UGT1A10: variants seen among roughly 807,000 people sequenced by gnomAD.
UGT1A10 encodes the protein UDP-glucuronosyltransferase 1A10.
UGT1A10 carries 49 observed loss-of-function variants against 45.8 expected under a neutral mutation model. The ratio of observed to expected loss-of-function variants is 1.07; its 90% CI spans 0.85 to 1.36. The LOEUF is 1.36. UGT1A10 is among the 40% of genes most tolerant of loss of function. The pLI, the probability that UGT1A10 is intolerant of heterozygous loss-of-function variation, is 0.00. For synonymous variants in UGT1A10, 284 were observed against 249.7 expected, an observed-to-expected ratio of 1.14 and a Z score of -1.29; for missense variants, 745 against 668.6, an observed-to-expected ratio of 1.11 and a Z score of -1.26.
intron 1 of UGT1A10, chr2:233,692,324 C>T (rs2125551324): frequency 6.5e-6 from 1 of 153,470 alleles, no homozygotes; most frequent in South Asian, 2.0e-4. Flanking sequence ...TAAACCAAAC[C>T]TAGTAAATAA....
At chr2:233,728,395 C>A (rs989594953) in intron 1 of UGT1A10, among the ~76,000 whole-genome samples, 4 of 152,120 alleles carry the variant, frequency 2.6e-5, no homozygotes, top group Non-Finnish European at 4.4e-5. Context: ...GTTGTCTTGC[C>A]CATGTGTGCT....
chr2:233,765,829 A>G (rs1183192876), intron 1 of UGT1A10, among the ~76,000 whole-genome samples: 1 of 152,104 alleles, frequency 6.6e-6, no homozygotes, highest in East Asian at 1.9e-4. Flanking sequence ...TGAAACAGGA[A>G]AACTTTCCTT....
In UGT1A10 at chr2:233,746,430, T is replaced by C. The variant is rs141272199; in HGVS notation, c.856-20604T>C. On this transcript the variant is annotated intron_variant, in intron 1 of 4. Transcript: ENST00000344644. ...TCCAATGGTGACCTATTAACTTATG[T>C]CTTCAGCTTAAAAAGAAAGTACCTT... Among the ~76,000 whole-genome samples, 254 of 151,800 alleles carry C rather than the reference T, an allele frequency of 1.7e-3. 1 individual carries two copies. The highest frequency in any genetic ancestry group is 3.4e-3 in the Middle Eastern group (1 of 292).
rs781679584 is a variant in UGT1A10 at position 233,729,361 on chromosome 2, A to T, written c.856-37673A>T. ...AGAAGAGAACTTTTTCACCCTGACA[A>T]CCTATGCCATTTCGTGGACCCAGGA... On this transcript the variant is annotated intron_variant, in intron 1 of 4. Transcript: ENST00000344644. 4 of 1,613,978 alleles carry T rather than the reference A, an allele frequency of 2.5e-6. No individual in the cohort carries two copies. The Admixed American group carries it at 5.0e-5, about 20-fold the overall frequency.
intron 1 of UGT1A10, among the ~76,000 whole-genome samples, chr2:233,715,664 C>T (rs547065992): frequency 3.3e-5 from 5 of 152,030 alleles, no homozygotes; most frequent in African/African-American, 4.8e-5. Context: ...CCCAGCTACT[C>T]GGGAGGCTGA....
Position 233,648,741 on chromosome 2 carries a change from G to A in UGT1A10, c.855+11364G>A, listed in dbSNP as rs142796488. ...GGCCTCCCAAAGTGCTGGAATTACA[G>A]GGGTGAGCCACCACACCCAGCCTGG... On this transcript the variant is annotated intron_variant, in intron 1 of 4. Coordinates refer to ENST00000344644, the MANE Select transcript of UGT1A10 (RefSeq NM_019075.4). 1,007 of 561,922 alleles carry A rather than the reference G, an allele frequency of 1.8e-3. 7 individuals are homozygous for A. The highest frequency in any genetic ancestry group is 0.017 in the African/African-American group (870 of 52,052). The allele number at this position is 561,922 out of a possible 1,614,324, so 34.8% of individuals were successfully genotyped here.
chr2:233,664,906 A>G (rs1447320252), intron 1 of UGT1A10, among the ~76,000 whole-genome samples: 1 of 152,206 alleles, frequency 6.6e-6, no homozygotes, highest in African/African-American at 2.4e-5. Context: ...CAAATTTTAT[A>G]ATTGTAGATC....
chr2:233,729,846 G>T, intron 1 of UGT1A10: 1 of 1,613,888 alleles, frequency 6.2e-7, no homozygotes, highest in Admixed American at 1.7e-5. Context: ...AGCTTTTTCA[G>T]AGAGAGGTGT....
rs186476397 is a variant in UGT1A10, at chr2:233,730,211, C to T, written c.856-36823C>T. Among the ~76,000 whole-genome samples the T allele has an allele frequency of 1.1e-3, 161 of 152,112 alleles. 1 individual carries two copies. The highest frequency in any genetic ancestry group is 3.7e-3 in the African/African-American group (152 of 41,476). On this transcript the variant is annotated intron_variant, in intron 1 of 4. Coordinates refer to ENST00000344644, the MANE Select transcript of UGT1A10 (RefSeq NM_019075.4). ...CACTGAGAGGAAGAGGAAGTAGACA[C>T]GAATGTTTGTAAAAGGATGGACAAG...
intron 4 of UGT1A10, 143 bp downstream of exon 4, chr2:233,768,582 CTTTTTTTTTTTT>C (rs139595073): frequency 1.3e-5 from 13 of 1,033,070 alleles, no homozygotes; most frequent in Admixed American, 4.7e-5. Context: ...TTTATTTCTT[CTTTTTTTTTTTT>C]TTTTTTTTTT....
intron 1 of UGT1A10, among the ~76,000 whole-genome samples, chr2:233,749,110 T>C (rs1417029157): frequency 1.3e-5 from 2 of 151,818 alleles, no homozygotes; most frequent in African/African-American, 4.9e-5. Flanking sequence ...AATTCAGCCT[T>C]TTTATGTCAT....
Position 233,772,243 on chromosome 2 carries a change from A to G in UGT1A10, c.1296-19A>G, listed in dbSNP as rs763747891. The stretch of plus-strand genomic sequence containing the variant: ...TACCACAGGTGTTCCAGGCATAACG[A>G]AACTGTCTTTGTGTTTAGTTACAAG... On this transcript the variant is annotated intron_variant, in intron 4 of 4. Coordinates refer to ENST00000344644, the MANE Select transcript of UGT1A10 (RefSeq NM_019075.4). 2 of 1,614,184 alleles carry G rather than the reference A, an allele frequency of 1.2e-6. No homozygotes were observed. The highest frequency in any genetic ancestry group is 1.7e-6 in the Non-Finnish European group (2 of 1,180,028).
At chr2:233,672,789 G>A (rs2074242199) in intron 1 of UGT1A10, 2 of 1,612,514 alleles carry the variant, frequency 1.2e-6, no homozygotes, top group Non-Finnish European at 1.7e-6. Context: ...CGTTGCCTAT[G>A]GTAAGTTATC....
intron 1 of UGT1A10, chr2:233,753,711 A>G (rs577048191): frequency 6.6e-6 from 1 of 152,346 alleles, no homozygotes; most frequent in East Asian, 1.9e-4. Context: ...GGCTTTCATC[A>G]ACCTAATTTG....
At chr2:233,729,345 C>A (rs200579886) in intron 1 of UGT1A10, 337 of 1,614,208 alleles carry the variant, frequency 2.1e-4, no homozygotes, top group Admixed American at 3.5e-4. Flanking sequence ...AAGAAGAGAA[C>A]TTTTTCACCC....
intron 1 of UGT1A10, chr2:233,713,367 A>G (rs764672319): frequency 5.0e-6 from 8 of 1,614,076 alleles, no homozygotes; most frequent in Middle Eastern, 3.3e-4. Context: ...GATCATACAT[A>G]GGTCTTGTGT....
intron 1 of UGT1A10, among the ~76,000 whole-genome samples, chr2:233,723,536 T>TTC (rs1553611580): frequency 8.2e-6 from 1 of 121,444 alleles, no homozygotes; most frequent in Non-Finnish European, 1.6e-5. Context: ...TTTTTTTTTT[T>TTC]AATTTATTTT....
At chr2:233,674,318 G>C (rs1186296242) in intron 1 of UGT1A10, among the ~76,000 whole-genome samples, 3 of 152,180 alleles carry the variant, frequency 2.0e-5, no homozygotes, top group Non-Finnish European at 2.9e-5. Flanking sequence ...CACAAGACTA[G>C]GCTAGGAGAT....
intron 1 of UGT1A10, chr2:233,692,894 G>A: frequency 6.5e-7 from 1 of 1,528,362 alleles, no homozygotes. Context: ...CAAGGGAGAG[G>A]TAGACAGGAC....
Sources: allele counts gnomAD v4.1 joint callset (sites outside exome capture counted in the v4.1 genomes callset), GRCh38; gene constraint gnomAD v4.1.1; transcripts MANE v1.5; gene names NCBI Gene and HGNC (gene_info 2026-07-23, HGNC 2026-07-21).